Variants in SLC22A16 observed in about 807,000 individuals in gnomAD.
The protein encoded by SLC22A16 is WUGSC:RG331P03.1.
Under a neutral mutation model 52.9 loss-of-function variants are expected in SLC22A16, and 53 were observed. The ratio of observed to expected loss-of-function variants is 1.00; its 90% CI spans 0.80 to 1.26. The LOEUF is 1.26. SLC22A16 is among the 50% of genes most tolerant of loss of function. SLC22A16 has a pLI of 0.00. For missense variants in SLC22A16, 726 were observed against 704.0 expected (o/e 1.03, Z -0.35); for synonymous variants, 291 against 268.8 (o/e 1.08, Z -0.81).
At chr6:110,470,779 T>A (rs1279614858) in intron 1 of SLC22A16, among the ~76,000 whole-genome samples, 1 of 152,140 alleles carries the variant, frequency 6.6e-6, no homozygotes, top group Non-Finnish European at 1.5e-5. Flanking sequence ...GCAATCGTGA[T>A]TCAGGAGGTC....
intron 2 of SLC22A16, chr6:110,453,668 T>G (rs1320054222): frequency 2.2e-6 from 1 of 456,210 alleles, no homozygotes; most frequent in Non-Finnish European, 4.4e-6. Context: ...ATCCACTGGT[T>G]TTGTACCAAG....
intron 1 of SLC22A16, among the ~76,000 whole-genome samples, chr6:110,475,165 G>C (rs1776417116): frequency 6.6e-6 from 1 of 152,158 alleles, no homozygotes. Flanking sequence ...CTTCCAGAAG[G>C]ATGAAATGAG....
chr6:110,456,819 A>G lies in SLC22A16; in HGVS notation c.252T>C (p.Asp84=). ...TGALLSSGQK[D]YVTVQLQNGE... ...CATTCTGCAACTGCACCGTAACATAATCTTTCTGGCCTGAAGACAACAGGG... is the reference window on the plus strand; with the variant it reads ...CATTCTGCAACTGCACCGTAACATAGTCTTTCTGGCCTGAAGACAACAGGG... Residue 84 remains aspartate, a synonymous_variant, in exon 2 of 8, where the codon GAT becomes GAC. Coordinates refer to ENST00000368919, the MANE Select transcript of SLC22A16 (RefSeq NM_033125.4). 1.2e-6 allele frequency: 2 copies of G among 1,614,200 alleles called. No homozygotes were observed. Among genetic ancestry groups the G allele is most frequent in the Non-Finnish European group, 1.7e-6 (2 of 1,180,028 alleles).
At chr6:110,470,486 C>G (rs1287978759) in intron 1 of SLC22A16, among the ~76,000 whole-genome samples, 1 of 152,094 alleles carries the variant, frequency 6.6e-6, no homozygotes, top group Non-Finnish European at 1.5e-5. Flanking sequence ...TTACTTCCCC[C>G]ATCCTTCCCA....
Position 110,456,676 on chromosome 6 carries a change from T to C in SLC22A16, c.395A>G (p.Asp132Gly). ...CGCAGTGCTTTTCCATGTGTTCTGG[T>C]CATATATGTAGCCATCCACACAAGG... The part of the protein sequence containing the change: ...EFPCVDGYIY[D>G]QNTWKSTAVT... The change falls in exon 2 of 8, where the codon GAC becomes GGC. Residue 132 changes from aspartate to glycine, a missense_variant. Asp to Gly is a moderately conservative substitution (Grantham distance 94). Transcript: ENST00000368919. The C allele has an allele frequency of 6.2e-7, 1 of 1,614,156 alleles. No homozygotes were observed. The highest frequency in any genetic ancestry group is 1.3e-5 in the African/African-American group (1 of 75,028).
chr6:110,425,056 A>G lies in SLC22A16; in HGVS notation c.1551T>C (p.Ser517=). The change falls in exon 8 of 8, where the codon AGT becomes AGC. Residue 517 remains serine, a synonymous_variant. Coordinates refer to ENST00000368919, the MANE Select transcript of SLC22A16 (RefSeq NM_033125.4). Reference sequence around the variant, plus strand: ...CTGGAAGCTTTAGTGTTAACACTCCACTCAGGAGGGCCATAGTCCCAACAA... The same window carrying G: ...CTGGAAGCTTTAGTGTTAACACTCCGCTCAGGAGGGCCATAGTCCCAACAA... The part of the protein sequence containing the change: ...QLFVGTMALL[S]GVLTLKLPET... 1 of 1,614,152 alleles carries G rather than the reference A, an allele frequency of 6.2e-7. No individual in the cohort carries two copies. The highest frequency in any genetic ancestry group is 1.1e-5 in the South Asian group (1 of 91,076).
intron 6 of SLC22A16, among the ~76,000 whole-genome samples, chr6:110,433,956 A>G (rs1774610534): frequency 6.6e-6 from 1 of 152,140 alleles, no homozygotes; most frequent in Admixed American, 6.5e-5. Flanking sequence ...AAAAAGTCTG[A>G]CGGGCCGGAC....
Position 110,442,232 on chromosome 6 carries a change from G to T in SLC22A16, c.1183+12C>A. 6.2e-7 allele frequency: 1 copy of T among 1,609,734 alleles called. No individual in the cohort carries two copies. Among genetic ancestry groups the T allele is most frequent in the Non-Finnish European group, 8.5e-7 (1 of 1,177,676 alleles). On this transcript the variant is annotated intron_variant, in intron 4 of 7. Transcript: ENST00000368919. Reference sequence around the variant, plus strand: ...CTTCACTGCCAAATTTAAATATACTGTAACTACTTACCCAGGAGGAAGAGG... The same window carrying T: ...CTTCACTGCCAAATTTAAATATACTTTAACTACTTACCCAGGAGGAAGAGG...
intron 7 of SLC22A16, among the ~76,000 whole-genome samples, chr6:110,426,815 TG>T (rs1372750163): frequency 6.6e-6 from 1 of 151,438 alleles, no homozygotes; most frequent in Non-Finnish European, 1.5e-5. Flanking sequence ...CCGGGCGAGG[TG>T]GCACATGCCT....
At position 110,446,941 on chromosome 6, in the gene SLC22A16, A is replaced by T. The variant is rs1331949197; in HGVS notation, c.583T>A (p.Phe195Ile). ...ACTGCAAACGCCGCTGCTATTCCAA[A>T]CAAAAACATGCTACTGCTTGTGGCC... Reference protein sequence around the residue: ...LWATSSSMFLFGIAAAFAVDY... With the variant: ...LWATSSSMFLIGIAAAFAVDY... Residue 195 changes from phenylalanine to isoleucine, a missense_variant, in exon 3 of 8, where the codon TTT (phenylalanine) becomes ATT (isoleucine). Phe to Ile is a conservative substitution (Grantham distance 21, BLOSUM62 0). Transcript: ENST00000368919. 6.2e-7 allele frequency: 1 copy of T among 1,613,976 alleles called. No homozygotes were observed. Among genetic ancestry groups the T allele is most frequent in the Non-Finnish European group, 8.5e-7 (1 of 1,179,886 alleles).
intron 6 of SLC22A16, 87 bp downstream of exon 6, chr6:110,435,765 A>C: frequency 1.1e-6 from 1 of 917,308 alleles, no homozygotes; most frequent in East Asian, 2.5e-5. Context: ...ATAAAAAAGA[A>C]GCATTTACAT....
chr6:110,454,688 T>C (rs1191984199), intron 2 of SLC22A16, among the ~76,000 whole-genome samples: 1 of 78,086 alleles, frequency 1.3e-5, no homozygotes, highest in Non-Finnish European at 2.2e-5. Flanking sequence ...ATATATTTTA[T>C]ATTATATATA....
chr6:110,459,158 A>G (rs1450388040), intron 1 of SLC22A16, among the ~76,000 whole-genome samples: 2 of 152,194 alleles, frequency 1.3e-5, no homozygotes, highest in Non-Finnish European at 2.9e-5. Flanking sequence ...ATCTGTAGAC[A>G]TTCCCTCTCT....
Position 110,452,598 on chromosome 6 carries a change from G to A in SLC22A16, c.533+3940C>T, listed in dbSNP as rs188160518. On this transcript the variant is annotated intron_variant, in intron 2 of 7. Coordinates refer to ENST00000368919, the MANE Select transcript of SLC22A16 (RefSeq NM_033125.4). ...CCTGTAATCCCACCTACTTGGGAGG[G>A]CTGAGGCAGGAGAATTGCTTGAGCC... is the stretch of plus-strand genomic sequence containing the variant. Among the ~76,000 whole-genome samples, 225 of 152,290 alleles carry A rather than the reference G, an allele frequency of 1.5e-3. 1 individual carries two copies. The highest frequency in any genetic ancestry group is 5.2e-3 in the African/African-American group (216 of 41,548).
chr6:110,437,586 A>C (rs960953626), intron 5 of SLC22A16, among the ~76,000 whole-genome samples: 3 of 152,258 alleles, frequency 2.0e-5, no homozygotes, highest in African/African-American at 4.8e-5. Flanking sequence ...AGCTTAAATT[A>C]AATTTCAAAC....
intron 5 of SLC22A16, among the ~76,000 whole-genome samples, chr6:110,436,513 C>G (rs1774737074): frequency 6.6e-6 from 1 of 152,136 alleles, no homozygotes; most frequent in Non-Finnish European, 1.5e-5. Flanking sequence ...GTGGTCCCAG[C>G]TACTGGAGAA....
Position 110,424,802 on chromosome 6 carries a change from A to G in SLC22A16, c.*71T>C, listed in dbSNP as rs1278515930. 6.4e-7 allele frequency: 1 copy of G among 1,555,280 alleles called. No individual in the cohort carries two copies. The highest frequency in any genetic ancestry group is 8.8e-7 in the Non-Finnish European group (1 of 1,135,588). On this transcript the variant is annotated 3_prime_UTR_variant, in exon 8 of 8. Transcript: ENST00000368919. ...TACAAACAACATATGGGAGATGAGAATAAGATTCCTCTAATACAAAGGCAT... is the reference window on the plus strand; with the variant it reads ...TACAAACAACATATGGGAGATGAGAGTAAGATTCCTCTAATACAAAGGCAT...
intron 3 of SLC22A16, among the ~76,000 whole-genome samples, chr6:110,445,569 C>T (rs1343689017): frequency 6.6e-6 from 1 of 152,172 alleles, no homozygotes; most frequent in Non-Finnish European, 1.5e-5. Context: ...CAAATCCATT[C>T]CCCATGAACA....
At chr6:110,453,425 A>C (rs887179533) in intron 2 of SLC22A16, among the ~76,000 whole-genome samples, 1 of 152,170 alleles carries the variant, frequency 6.6e-6, no homozygotes, top group African/African-American at 2.4e-5. Context: ...AAGAATATTC[A>C]ATTTTATTTT....
Sources: allele counts gnomAD v4.1 joint callset (sites outside exome capture counted in the v4.1 genomes callset), GRCh38; gene constraint gnomAD v4.1.1; transcripts MANE v1.5; gene names NCBI Gene and HGNC (gene_info 2026-07-23, HGNC 2026-07-21).